DOCK1: variants seen among roughly 807,000 people sequenced by gnomAD.
DOCK1 encodes dedicator of cytokinesis protein 1.
A neutral mutation model predicts 262.7 loss-of-function variants in DOCK1; 138 were observed. The ratio of observed to expected loss-of-function variants is 0.53; its 90% CI spans 0.46 to 0.61. The LOEUF is 0.61. DOCK1 is among the 20% of genes least tolerant of loss of function. The probability of loss-of-function intolerance (pLI) is 0.00; values close to 1 mark genes in which losing one functional copy is unlikely to be tolerated. For synonymous variants in DOCK1, 866 were observed against 867.4 expected (o/e 1.00, Z 0.03); for missense variants, 1,908 against 2,370.7 (o/e 0.80, Z 4.05).
chr10:127,119,660 A>G (rs2049420086), intron 25 of DOCK1, among the ~76,000 whole-genome samples: 1 of 152,228 alleles, frequency 6.6e-6, no homozygotes, highest in East Asian at 1.9e-4. Context: ...ATTCTTAGGA[A>G]AAGTGTTATT....
At chr10:126,934,163 A>G (rs2034386702) in intron 1 of DOCK1, among the ~76,000 whole-genome samples, 1 of 151,532 alleles carries the variant, frequency 6.6e-6, no homozygotes, top group Non-Finnish European at 1.5e-5. Flanking sequence ...ACTAAGTTTC[A>G]CTCTTGTTGC....
chr10:127,284,716 C>G lies in DOCK1; in HGVS notation c.3044+27287C>G, dbSNP rs543741740. On this transcript the variant is annotated intron_variant, in intron 29 of 51. Coordinates refer to ENST00000623213, the MANE Select transcript of DOCK1 (RefSeq NM_001290223.2). ...ATGGTGAGGTATTATCATGTCACTG[C>G]ACTCCAGCCAGGGTGAAAAAGTCAG... is the stretch of plus-strand genomic sequence containing the variant. Among the ~76,000 whole-genome samples the G allele has an allele frequency of 6.2e-4, 95 of 152,294 alleles. 1 individual carries two copies. The South Asian group carries it at 0.019, about 31-fold the overall frequency.
intron 29 of DOCK1, among the ~76,000 whole-genome samples, chr10:127,333,333 C>T (rs997856892): frequency 7.2e-5 from 11 of 152,192 alleles, no homozygotes; most frequent in Non-Finnish European, 1.3e-4. Flanking sequence ...CATTCTCCCT[C>T]TGTAGTAATG....
intron 28 of DOCK1, among the ~76,000 whole-genome samples, chr10:127,251,532 TC>T (rs574315145): frequency 0.015 from 1,015 of 68,718 alleles, 20 homozygotes; most frequent in African/African-American, 0.057. Context: ...CCCTCCCCCC[TC>T]CCCCCACCCC....
chr10:126,959,869 G>A (rs2037059338), intron 1 of DOCK1, among the ~76,000 whole-genome samples: 1 of 151,976 alleles, frequency 6.6e-6, no homozygotes, highest in Non-Finnish European at 1.5e-5. Flanking sequence ...CCAGACTGGA[G>A]TGCAATGGTG....
chr10:126,929,571 G>A (rs1047704368), intron 1 of DOCK1, among the ~76,000 whole-genome samples: 9 of 152,134 alleles, frequency 5.9e-5, no homozygotes, highest in South Asian at 2.1e-4. Context: ...GAGGGAGAGC[G>A]GCAGACTGGG....
intron 38 of DOCK1, among the ~76,000 whole-genome samples, chr10:127,397,158 T>A (rs1440110383): frequency 2.1e-5 from 3 of 140,782 alleles, no homozygotes; most frequent in Admixed American, 2.1e-4. Context: ...GGGCAGCGAC[T>A]CCTATGTGAT....
chr10:127,162,135 T>C (rs1014008732), intron 27 of DOCK1, among the ~76,000 whole-genome samples: 2 of 152,224 alleles, frequency 1.3e-5, no homozygotes, highest in African/African-American at 4.8e-5. Flanking sequence ...CCTGCAGATA[T>C]ATGTCAGGTG....
At chr10:127,306,701 A>G (rs528927315) in intron 29 of DOCK1, among the ~76,000 whole-genome samples, 1 of 152,196 alleles carries the variant, frequency 6.6e-6, no homozygotes, top group Non-Finnish European at 1.5e-5. Flanking sequence ...GTTTATACTG[A>G]CTACATTACG....
chr10:127,441,631 C>T (rs906229376), intron 49 of DOCK1, among the ~76,000 whole-genome samples: 3 of 152,166 alleles, frequency 2.0e-5, no homozygotes, highest in African/African-American at 7.2e-5. Flanking sequence ...AGGGGAGGTG[C>T]GGGGGAGGAG....
intron 28 of DOCK1, among the ~76,000 whole-genome samples, chr10:127,250,146 C>T (rs2059575315): frequency 6.6e-6 from 1 of 152,164 alleles, no homozygotes; most frequent in East Asian, 1.9e-4. Context: ...ATAATAAAGT[C>T]TTCAGAAATA....
At chr10:127,282,001 C>T (rs2060977683) in intron 29 of DOCK1, among the ~76,000 whole-genome samples, 1 of 152,196 alleles carries the variant, frequency 6.6e-6, no homozygotes, top group South Asian at 2.1e-4. Context: ...TACACTAATA[C>T]TACAATAGCT....
Position 127,374,150 on chromosome 10 carries a change from A to G in DOCK1, c.3611A>G (p.Asp1204Gly). The change falls in exon 35 of 52, where the codon GAT becomes GGT. Residue 1204 changes from aspartate (D) to glycine (G), a missense_variant. Coordinates refer to ENST00000623213, the MANE Select transcript of DOCK1 (RefSeq NM_001290223.2). ...GTGCGCTTAATGGAAAGGCTTTTGG[A>G]TTATAGAACCATCATGCACGACGAG... ...LVVRLMERLL[D>G]YRTIMHDENK... 5 of 1,613,864 alleles carry G rather than the reference A, an allele frequency of 3.1e-6. No homozygotes were observed. The highest frequency in any genetic ancestry group is 1.1e-5 in the South Asian group (1 of 91,022).
intron 27 of DOCK1, among the ~76,000 whole-genome samples, chr10:127,208,763 G>A (rs1222852130): frequency 2.0e-5 from 3 of 152,062 alleles, no homozygotes; most frequent in African/African-American, 4.8e-5. Context: ...TTGTCAACAC[G>A]ATATCATCTG....
At chr10:126,992,074 A>G (rs558015245) in intron 6 of DOCK1, among the ~76,000 whole-genome samples, 2 of 152,334 alleles carry the variant, frequency 1.3e-5, no homozygotes, top group Non-Finnish European at 2.9e-5. Context: ...TCTTAAAGCA[A>G]CGTTATGAGC....
chr10:127,242,075 G>A (rs1393323979), intron 27 of DOCK1, among the ~76,000 whole-genome samples: 1 of 152,102 alleles, frequency 6.6e-6, no homozygotes, highest in Non-Finnish European at 1.5e-5. Context: ...AGGGCAGTTG[G>A]TACCCACTCA....
At chr10:127,431,325 C>T (rs537000937) in intron 47 of DOCK1, among the ~76,000 whole-genome samples, 11 of 152,198 alleles carry the variant, frequency 7.2e-5, no homozygotes, top group South Asian at 4.1e-4. Context: ...TGCGGCAGAC[C>T]GCCCAGTAAA....
At chr10:127,053,663 A>G (rs2044915482) in intron 22 of DOCK1, among the ~76,000 whole-genome samples, 1 of 152,350 alleles carries the variant, frequency 6.6e-6, no homozygotes. Context: ...GGTGAATTAT[A>G]TATATGTATA....
chr10:127,154,356 C>G (rs1239904054), intron 27 of DOCK1, among the ~76,000 whole-genome samples: 1 of 152,192 alleles, frequency 6.6e-6, no homozygotes, highest in Non-Finnish European at 1.5e-5. Flanking sequence ...CCAAATCCCG[C>G]CGGGGCCTGG....
Sources: allele counts gnomAD v4.1 joint callset (sites outside exome capture counted in the v4.1 genomes callset), GRCh38; gene constraint gnomAD v4.1.1; transcripts MANE v1.5; gene names NCBI Gene and HGNC (gene_info 2026-07-23, HGNC 2026-07-21).